SPTLC2: variants seen among roughly 807,000 people sequenced by gnomAD.
SPTLC2 encodes serine palmitoyltransferase 2.
A neutral mutation model predicts 62.0 loss-of-function variants in SPTLC2; 21 were observed. The ratio of observed to expected loss-of-function variants is 0.34; its 90% CI spans 0.24 to 0.49. SPTLC2 has a LOEUF of 0.49. Ranked by LOEUF, SPTLC2 falls within the 20% of genes least tolerant of loss-of-function variation. SPTLC2 has a pLI of 0.99. For synonymous variants in SPTLC2, 261 were observed against 261.8 expected (o/e 1.00, Z 0.03); for missense variants, 511 against 713.0 (o/e 0.72, Z 3.23).
At chr14:77,577,569 T>C (rs778269171) in intron 3 of SPTLC2, among the ~76,000 whole-genome samples, 2 of 152,182 alleles carry the variant, frequency 1.3e-5, no homozygotes, top group Non-Finnish European at 2.9e-5. Context: ...AATATACACA[T>C]GAGAAGGGGT....
chr14:77,570,936 G>A (rs1224164357), intron 4 of SPTLC2, among the ~76,000 whole-genome samples: 1 of 152,142 alleles, frequency 6.6e-6, no homozygotes, highest in Non-Finnish European at 1.5e-5. Flanking sequence ...GACTATGGAA[G>A]GAGGAGAGAA....
At chr14:77,519,951 C>A (rs1302362809) in intron 10 of SPTLC2, among the ~76,000 whole-genome samples, 1 of 152,022 alleles carries the variant, frequency 6.6e-6, no homozygotes, top group African/African-American at 2.4e-5. Flanking sequence ...CATCTTAATG[C>A]CTTTACAACT....
At chr14:77,583,570 C>T (rs184938390) in intron 2 of SPTLC2, among the ~76,000 whole-genome samples, 2 of 152,280 alleles carry the variant, frequency 1.3e-5, no homozygotes, top group Admixed American at 1.3e-4. Context: ...TCCCCCATCT[C>T]CACCACTCTC....
Position 77,521,531 on chromosome 14 carries a change from G to A in SPTLC2, c.1354C>T (p.Arg452Cys), listed in dbSNP as rs747168398. Residue 452 changes from arginine (R) to cysteine (C), a missense_variant, in exon 10 of 12, where the codon CGC (arginine) becomes TGC (cysteine). Transcript: ENST00000216484. ...LAENTRYFRR[R>C]LKEMGFIIYG... ...ATGATGAAGCCCATCTCTTTCAGGC[G>A]TCTCCTGAAATACCTGGTGTTTTCA... 2.0e-5 allele frequency: 33 copies of A among 1,613,846 alleles called. No individual in the cohort carries two copies. The highest frequency in any genetic ancestry group is 2.0e-4 in the Admixed American group (12 of 59,988).
intron 6 of SPTLC2, among the ~76,000 whole-genome samples, chr14:77,558,836 G>A (rs1451782974): frequency 2.6e-5 from 4 of 151,564 alleles, no homozygotes; most frequent in Admixed American, 2.0e-4. Context: ...TGGCCAGGCT[G>A]GTCTTGAACT....
chr14:77,544,909 C>T (rs2079519877), intron 9 of SPTLC2, among the ~76,000 whole-genome samples: 2 of 152,078 alleles, frequency 1.3e-5, no homozygotes, highest in South Asian at 4.1e-4. Flanking sequence ...CCTGATGTTT[C>T]CTCTTAGTAT....
chr14:77,572,759 T>C (rs1384702054), intron 4 of SPTLC2, among the ~76,000 whole-genome samples: 1 of 152,190 alleles, frequency 6.6e-6, no homozygotes, highest in African/African-American at 2.4e-5. Context: ...ACCTTGCACT[T>C]TTATGTTGTG....
intron 5 of SPTLC2, among the ~76,000 whole-genome samples, chr14:77,564,236 G>GA (rs3080470): frequency 0.32 from 34,969 of 110,548 alleles, 8,215 homozygotes; most frequent in African/African-American, 0.46. Context: ...TGTCTGGGGG[G>GA]AAAAAAAAAA....
Position 77,597,336 on chromosome 14 carries a change from A to G in SPTLC2, c.177T>C (p.Phe59=). The G allele has an allele frequency of 6.2e-7, 1 of 1,614,216 alleles. No individual in the cohort carries two copies. Among genetic ancestry groups the G allele is most frequent in the Non-Finnish European group, 8.5e-7 (1 of 1,180,030 alleles). The change falls in exon 2 of 12, where the codon TTT becomes TTC. Residue 59 remains phenylalanine (F), a synonymous_variant. Coordinates refer to ENST00000216484, the MANE Select transcript of SPTLC2 (RefSeq NM_004863.4). ...TTGGTGTTTCTTCAAAAGCTTCATT[A>G]AACGGTCTTTTATATAGTCCTCCAT... The part of the protein sequence containing the change: ...TQNGGLYKRP[F]NEAFEETPML...
intron 4 of SPTLC2, 108 bp from the exon 5 acceptor site, chr14:77,570,616 T>G: frequency 7.3e-6 from 10 of 1,360,604 alleles, no homozygotes; most frequent in Non-Finnish European, 9.3e-6. Flanking sequence ...CTTTTCAGAC[T>G]AAGATCTATG....
At position 77,559,363 on chromosome 14, in the gene SPTLC2, C is replaced by T. The variant is rs560249762; in HGVS notation, c.851-2217G>A. Among the ~76,000 whole-genome samples the T allele has an allele frequency of 4.7e-4, 72 of 152,102 alleles. 1 individual carries two copies. Among genetic ancestry groups the T allele is most frequent in the Non-Finnish European group, 2.5e-4 (17 of 67,988 alleles). The stretch of plus-strand genomic sequence containing the variant: ...ATAGCAGAATGCTTAACCATATTAT[C>T]TACTTAGAAAAAAAAATTCAATCTC... On this transcript the variant is annotated intron_variant, in intron 6 of 11. Transcript: ENST00000216484.
chr14:77,521,957 T>C (rs956887368), intron 9 of SPTLC2, among the ~76,000 whole-genome samples: 21 of 152,164 alleles, frequency 1.4e-4, no homozygotes, highest in African/African-American at 4.6e-4. Flanking sequence ...GTGACATGCC[T>C]ACAGTTGCAC....
chr14:77,536,619 G>A (rs1304728653), intron 9 of SPTLC2, among the ~76,000 whole-genome samples: 3 of 151,924 alleles, frequency 2.0e-5, no homozygotes, highest in South Asian at 2.1e-4. Context: ...CCTATAGGCC[G>A]AGTTTAAGCA....
intron 1 of SPTLC2, among the ~76,000 whole-genome samples, chr14:77,597,694 A>C (rs964966115): frequency 4.6e-5 from 7 of 151,858 alleles, no homozygotes; most frequent in Admixed American, 1.3e-4. Flanking sequence ...GAGTTGCTTG[A>C]ATCTGGGAAG....
rs2140018982 is a variant in SPTLC2, at chr14:77,553,574, A to G, written c.1177-1352T>C. Among the ~76,000 whole-genome samples the G allele has an allele frequency of 2.6e-5, 4 of 152,032 alleles. 1 individual carries two copies. The Middle Eastern group carries it at 0.01, about 388-fold the overall frequency. On this transcript the variant is annotated intron_variant, in intron 8 of 11. Transcript: ENST00000216484. ...GTGAAACCCTGTCTCTACTAAAAAT[A>G]CAAAAAATTAGCTGGGCATGGTGGC...
chr14:77,604,571 T>C (rs1037874348), intron 1 of SPTLC2, among the ~76,000 whole-genome samples: 4 of 152,118 alleles, frequency 2.6e-5, no homozygotes, highest in Non-Finnish European at 4.4e-5. Flanking sequence ...AAGAAATTTT[T>C]AAAAAATATT....
chr14:77,509,190 T>C lies in SPTLC2; in HGVS notation c.*3094A>G, dbSNP rs1158820904. On this transcript the variant is annotated 3_prime_UTR_variant, in exon 12 of 12. Coordinates refer to ENST00000216484, the MANE Select transcript of SPTLC2 (RefSeq NM_004863.4). ...ATTCTTCAAACAAATAAGCAGTACT[T>C]TGGGGGTTATGGAGACTAGAAGCTT... The C allele has an allele frequency of 1.3e-5, 2 of 152,186 alleles. No homozygotes were observed. Among genetic ancestry groups the C allele is most frequent in the East Asian group, 1.9e-4 (1 of 5,200 alleles). The allele number at this position is 152,186 out of a possible 1,614,324, so 9.4% of individuals were successfully genotyped here. A position where few individuals can be genotyped will look rare whatever the true frequency, so the allele number is the denominator to read the frequency against.
At chr14:77,594,967 T>G (rs925933404) in intron 2 of SPTLC2, among the ~76,000 whole-genome samples, 1 of 152,078 alleles carries the variant, frequency 6.6e-6, no homozygotes, top group Admixed American at 6.6e-5. Context: ...CTGTACAACC[T>G]AGGAAGGGTA....
At chr14:77,601,006 C>T (rs1002612752) in intron 1 of SPTLC2, among the ~76,000 whole-genome samples, 1 of 152,132 alleles carries the variant, frequency 6.6e-6, no homozygotes, top group African/African-American at 2.4e-5. Context: ...ACATATGTTT[C>T]CATAAGACTA....
Sources: gnomAD v4.1 joint callset for allele counts (sites outside exome capture counted in the v4.1 genomes callset) on GRCh38, gnomAD v4.1.1 for gene constraint, MANE v1.5 for transcripts, NCBI Gene and HGNC (gene_info 2026-07-23, HGNC 2026-07-21) for gene names.